ITPR2: variants seen among roughly 807,000 people sequenced by gnomAD.
ITPR2 encodes inositol 1,4,5-trisphosphate receptor type 2, also known as inositol 1,4,5-trisphosphate-gated calcium channel ITPR2.
In ITPR2, 207 loss-of-function variants were observed where a neutral mutation model predicts 317.1. The observed-to-expected ratio is 0.65, with a 90% CI of 0.58 to 0.73. The LOEUF is 0.73. Among genes scored for constraint, ITPR2 ranks in the 30% least tolerant of loss-of-function variants. The pLI, the probability that ITPR2 is intolerant of heterozygous loss-of-function variation, is 0.00. For missense variants in ITPR2, 2,613 were observed against 3,284.0 expected (o/e 0.80, Z 4.99); for synonymous variants, 1,156 against 1,149.1 (o/e 1.01, Z -0.12).
At chr12:26,794,742 C>T (rs1950401529) in intron 1 of ITPR2, among the ~76,000 whole-genome samples, 1 of 152,182 alleles carries the variant, frequency 6.6e-6, no homozygotes, top group Admixed American at 6.5e-5. Context: ...TTACTAATTT[C>T]CAAACAATTT....
Position 26,358,672 on chromosome 12 carries a change from C to CA in ITPR2, c.7858-18345dup, listed in dbSNP as rs566822333. On this transcript the variant is annotated intron_variant, in intron 55 of 56. Coordinates refer to ENST00000381340, the MANE Select transcript of ITPR2 (RefSeq NM_002223.4). ...TGATGATGTTGGGCACATCTCAGAA[C>CA]AAAAAAAAAAGGCACTGATATGTTT... 1.4e-3 allele frequency among the ~76,000 whole-genome samples: 199 copies of CA among 145,806 alleles called. 2 individuals carry two copies. In the South Asian group the frequency reaches 0.016, roughly 12 times the overall value.
chr12:26,456,493 C>T (rs1222954375), intron 45 of ITPR2, among the ~76,000 whole-genome samples: 1 of 152,146 alleles, frequency 6.6e-6, no homozygotes, highest in East Asian at 1.9e-4. Flanking sequence ...CAAGAAATAA[C>T]CATAAAAACA....
rs552922873 is a variant in ITPR2 at position 26,357,285 on chromosome 12, G to A, written c.7858-16957C>T. Reference sequence around the variant, plus strand: ...GCTGGAGATCGAGTTCATTCACATGGCCAATGATTCAATCAATCAGGCCTA... The same window carrying A: ...GCTGGAGATCGAGTTCATTCACATGACCAATGATTCAATCAATCAGGCCTA... On this transcript the variant is annotated intron_variant, in intron 55 of 56. Coordinates refer to ENST00000381340, the MANE Select transcript of ITPR2 (RefSeq NM_002223.4). Among the ~76,000 whole-genome samples the A allele has an allele frequency of 1.4e-3, 216 of 152,220 alleles. 1 individual carries two copies. The highest frequency in any genetic ancestry group is 4.9e-3 in the African/African-American group (205 of 41,532).
intron 37 of ITPR2, among the ~76,000 whole-genome samples, chr12:26,549,688 C>T (rs2137002358): frequency 6.6e-6 from 1 of 152,154 alleles, no homozygotes; most frequent in East Asian, 1.9e-4. Flanking sequence ...TTTTTAATAA[C>T]AGACTGACAA....
intron 45 of ITPR2, among the ~76,000 whole-genome samples, chr12:26,472,716 C>T (rs916917200): frequency 3.9e-5 from 6 of 152,138 alleles, no homozygotes; most frequent in African/African-American, 1.4e-4. Context: ...GGCCTTTATG[C>T]CATCTTCATT....
intron 47 of ITPR2, among the ~76,000 whole-genome samples, chr12:26,437,806 T>C (rs1565526550): frequency 1.3e-5 from 2 of 152,108 alleles, no homozygotes; most frequent in Non-Finnish European, 2.9e-5. Context: ...TGGTTTTTGT[T>C]TGTTTGTTTT....
At chr12:26,414,800 C>T (rs1940667808) in intron 51 of ITPR2, among the ~76,000 whole-genome samples, 1 of 152,036 alleles carries the variant, frequency 6.6e-6, no homozygotes, top group Non-Finnish European at 1.5e-5. Context: ...ATATTTTGAG[C>T]ATGTCTTCCT....
chr12:26,620,882 C>T (rs558497616), intron 26 of ITPR2, among the ~76,000 whole-genome samples: 15 of 151,934 alleles, frequency 9.9e-5, no homozygotes, highest in African/African-American at 3.6e-4. Context: ...TAGAATTTAC[C>T]GTGGAAATGA....
chr12:26,466,080 A>C (rs1477284885), intron 45 of ITPR2, among the ~76,000 whole-genome samples: 1 of 152,238 alleles, frequency 6.6e-6, no homozygotes, highest in Non-Finnish European at 1.5e-5. Context: ...AAGGTCCTAC[A>C]TTATCAAAGT....
chr12:26,391,255 TA>T (rs1334243500), intron 54 of ITPR2, among the ~76,000 whole-genome samples: 4 of 152,250 alleles, frequency 2.6e-5, no homozygotes, highest in African/African-American at 9.6e-5. Context: ...AATGATTCAA[TA>T]AATTGCTCAA....
At position 26,494,190 on chromosome 12, in the gene ITPR2, C is replaced by T. The variant is rs1331399317; in HGVS notation, c.5333G>A (p.Gly1778Asp). The change falls in exon 39 of 57, where the codon GGC becomes GAC. Residue 1778 changes from glycine (G) to aspartate (D), a missense_variant. Gly to Asp is a moderately conservative substitution (Grantham distance 94). Transcript: ENST00000381340. ...DRIFSEGIFLGIALLEGGNTQ... is the reference protein window; with the variant it reads ...DRIFSEGIFLDIALLEGGNTQ... ...ATTTCCTCCTTCAAGCAAGGCAATG[C>T]CGAGGAAAATGCCTTCTGAAAAAAT... The T allele has an allele frequency of 6.2e-7, 1 of 1,612,758 alleles. No homozygotes were observed. The highest frequency in any genetic ancestry group is 8.5e-7 in the Non-Finnish European group (1 of 1,179,416).
intron 39 of ITPR2, among the ~76,000 whole-genome samples, chr12:26,490,449 G>A (rs964173531): frequency 2.0e-5 from 3 of 152,204 alleles, no homozygotes; most frequent in Middle Eastern, 3.2e-3. Context: ...TGAATAAAAC[G>A]TAGTTTCAAC....
intron 32 of ITPR2, among the ~76,000 whole-genome samples, chr12:26,582,480 A>C (rs909215914): frequency 1.3e-5 from 2 of 152,216 alleles, no homozygotes; most frequent in Non-Finnish European, 2.9e-5. Flanking sequence ...CTTACTTTAA[A>C]AAGCTATATT....
At chr12:26,462,989 C>T (rs953351176) in intron 45 of ITPR2, among the ~76,000 whole-genome samples, 2 of 152,070 alleles carry the variant, frequency 1.3e-5, no homozygotes, top group African/African-American at 4.8e-5. Context: ...AAGCTTTCTT[C>T]GTTTATGTCT....
chr12:26,718,847 G>A (rs11048670), intron 5 of ITPR2, among the ~76,000 whole-genome samples: 15 of 151,888 alleles, frequency 9.9e-5, no homozygotes, highest in Admixed American at 9.2e-4. Context: ...CCTAACCTCA[G>A]GTGATTCACC....
intron 32 of ITPR2, among the ~76,000 whole-genome samples, chr12:26,594,124 A>G (rs985338436): frequency 2.0e-5 from 3 of 152,190 alleles, no homozygotes; most frequent in African/African-American, 7.2e-5. Context: ...TATGAGTACT[A>G]TGTTAAATGC....
chr12:26,410,845 T>C (rs922347717), intron 52 of ITPR2, among the ~76,000 whole-genome samples: 1 of 152,188 alleles, frequency 6.6e-6, no homozygotes, highest in African/African-American at 2.4e-5. Flanking sequence ...TTCATTCTCA[T>C]TCTCTCTCTA....
chr12:26,493,673 C>T (rs1007758987), intron 39 of ITPR2, among the ~76,000 whole-genome samples: 1 of 151,960 alleles, frequency 6.6e-6, no homozygotes, highest in Admixed American at 6.6e-5. Context: ...TCACACTGTA[C>T]CCTATAAATA....
intron 7 of ITPR2, 49 bp from the exon 8 acceptor site, chr12:26,715,494 G>T (rs1294958394): frequency 6.4e-7 from 1 of 1,554,312 alleles, no homozygotes; most frequent in Non-Finnish European, 8.7e-7. Context: ...TGAGAAGCAG[G>T]TGTCTCTTTC....
Sources: gnomAD v4.1 joint callset for allele counts (sites outside exome capture counted in the v4.1 genomes callset) on GRCh38, gnomAD v4.1.1 for gene constraint, MANE v1.5 for transcripts, NCBI Gene and HGNC (gene_info 2026-07-23, HGNC 2026-07-21) for gene names.